The following ZNF138 variants were observed in gnomAD, a reference collection of about 807,000 sequenced individuals.
ZNF138 encodes zinc finger protein 138.
ZNF138 carries 33 observed loss-of-function variants against 33.0 expected under a neutral mutation model. That is an observed-to-expected ratio of 1.00 (90% confidence interval 0.76 to 1.34). The LOEUF is 1.34. Ranked by LOEUF, ZNF138 falls within the 40% of genes most tolerant of loss-of-function variation. The pLI, the probability that ZNF138 is intolerant of heterozygous loss-of-function variation, is 0.00. For missense variants in ZNF138, 360 were observed against 370.8 expected, an observed-to-expected ratio of 0.97 and a Z score of 0.24; for synonymous variants, 139 against 120.4, an observed-to-expected ratio of 1.15 and a Z score of -1.01.
At chr7:64,843,241 T>C in the ZNF138 span, among the ~76,000 whole-genome samples, 1 of 152,246 alleles carries the variant, frequency 6.6e-6, no homozygotes, top group African/African-American at 2.4e-5. Context: ...ACTGATTTTA[T>C]ATTTTGGTAA....
chr7:64,852,730 A>C, the ZNF138 span: 6 of 1,012,128 alleles, frequency 5.9e-6, no homozygotes, highest in Non-Finnish European at 9.5e-6. Flanking sequence ...ACTGATGCAC[A>C]GCCACTGCCC....
At chr7:64,858,075 A>G in the ZNF138 span, among the ~76,000 whole-genome samples, 2 of 152,372 alleles carry the variant, frequency 1.3e-5, no homozygotes, top group South Asian at 4.1e-4. Context: ...TTTTGGTCAA[A>G]TATTACCCGA....
In ZNF138 at chr7:64,794,930, C is replaced by G. The variant is rs534146126; in HGVS notation, c.3+359C>G. 2.0e-5 allele frequency among the ~76,000 whole-genome samples: 3 copies of G among 152,254 alleles called. 1 individual carries two copies. Among genetic ancestry groups the G allele is most frequent in the East Asian group, 3.9e-4 (2 of 5,156 alleles). ...GAAGAGGTTTCCTCCGCGGGCTTCC[C>G]TGTCCCTCTTTTCCCCTATTAAAAT... is the stretch of plus-strand genomic sequence containing the variant. On this transcript the variant is annotated intron_variant, in intron 1 of 3. Coordinates refer to ENST00000307355, the MANE Select transcript of ZNF138 (RefSeq NM_001271639.2).
chr7:64,837,232 G>T (rs892809686), downstream of ZNF138, among the ~76,000 whole-genome samples: 40 of 152,038 alleles, frequency 2.6e-4, no homozygotes, highest in Admixed American at 9.2e-4. Flanking sequence ...GTACCAGGAG[G>T]GAAGGCCTGT....
chr7:64,809,114 G>A (rs1371068999), intron 1 of ZNF138, among the ~76,000 whole-genome samples: 1,445 of 115,858 alleles, frequency 0.012, 11 homozygotes, highest in Non-Finnish European at 0.02. Flanking sequence ...CCTCCCAGAC[G>A]GGGTGGTGGC....
In ZNF138 at chr7:64,832,091, A is replaced by G. The variant is rs754240219; in HGVS notation, c.849A>G (p.Gln283=). 3 of 1,613,596 alleles carry G rather than the reference A, an allele frequency of 1.9e-6. No individual in the cohort carries two copies. Among genetic ancestry groups the G allele is most frequent in the East Asian group, 2.2e-5 (1 of 44,858 alleles). The part of the protein sequence containing the change: ...HTEEKPYKCE[Q]CGKVFKQSPT... Reference sequence around the variant, plus strand: ...AAGAGAAACCCTACAAATGTGAACAATGTGGCAAGGTCTTTAAGCAGTCCC... The same window carrying G: ...AAGAGAAACCCTACAAATGTGAACAGTGTGGCAAGGTCTTTAAGCAGTCCC... The change falls in exon 4 of 4, where the codon CAA becomes CAG. Residue 283 remains glutamine (Q), a synonymous_variant. Coordinates refer to ENST00000307355, the MANE Select transcript of ZNF138 (RefSeq NM_001271639.2).
chr7:64,840,815 C>T, the ZNF138 span, among the ~76,000 whole-genome samples: 1 of 152,072 alleles, frequency 6.6e-6, no homozygotes, highest in Non-Finnish European at 1.5e-5. Context: ...ATAAAATTAG[C>T]TATGCACGTA....
intron 3 of ZNF138, 42 bp from the exon 4 acceptor site, chr7:64,831,409 G>T: frequency 6.8e-7 from 1 of 1,463,770 alleles, no homozygotes; most frequent in Non-Finnish European, 9.2e-7. Flanking sequence ...ATTCATCTGA[G>T]TCTAGCAGGT....
At chr7:64,815,167 CA>C in intron 2 of ZNF138, 123 bp downstream of exon 2, 1 of 1,061,446 alleles carries the variant, frequency 9.4e-7, no homozygotes, top group African/African-American at 1.7e-5. Context: ...TTCCTGTTTT[CA>C]AAAGAATCTT....
downstream of ZNF138, chr7:64,836,439 G>A (rs1345686687): frequency 6.6e-6 from 1 of 152,146 alleles, no homozygotes; most frequent in Non-Finnish European, 1.5e-5. Flanking sequence ...AGGAGGCTAA[G>A]TCGGATAACC....
At chr7:64,795,058 A>G (rs1786575766) in intron 1 of ZNF138, among the ~76,000 whole-genome samples, 1 of 152,186 alleles carries the variant, frequency 6.6e-6, no homozygotes, top group South Asian at 2.1e-4. Context: ...GAGGGGTTTG[A>G]AGGAAACACT....
chr7:64,858,414 C>A, the ZNF138 span, among the ~76,000 whole-genome samples: 3 of 150,998 alleles, frequency 2.0e-5, no homozygotes, highest in Non-Finnish European at 2.9e-5. Flanking sequence ...ATGGGGAAGT[C>A]TTTTTATCAA....
downstream of ZNF138, among the ~76,000 whole-genome samples, chr7:64,834,035 C>T (rs970953363): frequency 6.6e-6 from 1 of 152,046 alleles, no homozygotes; most frequent in Non-Finnish European, 1.5e-5. Flanking sequence ...CAATATAAGC[C>T]TTTAAAGTAA....
chr7:64,820,992 A>T (rs546076551), intron 3 of ZNF138, among the ~76,000 whole-genome samples: 41 of 151,426 alleles, frequency 2.7e-4, no homozygotes, highest in East Asian at 5.8e-4. Flanking sequence ...TGGTGTTTTT[A>T]AAAAAAATTG....
the ZNF138 span, among the ~76,000 whole-genome samples, chr7:64,839,618 C>G: frequency 3.3e-5 from 5 of 152,138 alleles, no homozygotes; most frequent in Non-Finnish European, 7.4e-5. Context: ...GGGGTACTCA[C>G]CCAGCGTCTG....
the ZNF138 span, among the ~76,000 whole-genome samples, chr7:64,840,350 A>T: frequency 1.3e-5 from 2 of 152,156 alleles, no homozygotes; most frequent in African/African-American, 4.8e-5. Flanking sequence ...CCAATAATTT[A>T]TTTTGCCAGT....
At chr7:64,850,598 G>C in the ZNF138 span, among the ~76,000 whole-genome samples, 3 of 152,332 alleles carry the variant, frequency 2.0e-5, no homozygotes, top group Admixed American at 2.0e-4. Context: ...TAATGGTTAA[G>C]ATTGAAACGC....
At chr7:64,794,708 G>T in intron 1 of ZNF138, 137 bp downstream of exon 1, 1 of 1,315,126 alleles carries the variant, frequency 7.6e-7, no homozygotes, top group Non-Finnish European at 1.1e-6. Context: ...GCACAGCTCG[G>T]CCCTCAGTCC....
chr7:64,797,684 T>C (rs941930340), intron 1 of ZNF138, among the ~76,000 whole-genome samples: 31 of 152,194 alleles, frequency 2.0e-4, no homozygotes, highest in African/African-American at 6.7e-4. Context: ...TGGAAGGGGA[T>C]TGGGAGGGTC....
Sources: gnomAD v4.1 joint callset for allele counts (sites outside exome capture counted in the v4.1 genomes callset) on GRCh38, gnomAD v4.1.1 for gene constraint, MANE v1.5 for transcripts, NCBI Gene and HGNC (gene_info 2026-07-23, HGNC 2026-07-21) for gene names.